Variants in DHRS7 observed in about 807,000 individuals in gnomAD.
The protein encoded by DHRS7 is dehydrogenase/reductase 7.
Under a neutral mutation model 38.9 loss-of-function variants are expected in DHRS7, and 34 were observed. The ratio of observed to expected loss-of-function variants is 0.87; its 90% CI spans 0.66 to 1.16. DHRS7 has a LOEUF of 1.16. DHRS7 is among the 50% of genes most tolerant of loss of function. The pLI is 0.00. For missense variants in DHRS7, 421 were observed against 407.0 expected, an observed-to-expected ratio of 1.03 and a Z score of -0.30; for synonymous variants, 158 against 153.1, an observed-to-expected ratio of 1.03 and a Z score of -0.24.
At chr14:60,157,309 T>C (rs1896678789) in intron 1 of DHRS7, among the ~76,000 whole-genome samples, 1 of 152,184 alleles carries the variant, frequency 6.6e-6, no homozygotes, top group African/African-American at 2.4e-5. Context: ...CTTCACAGGA[T>C]TGTTGAGAAA....
chr14:60,159,736 C>G (rs926266564), intron 1 of DHRS7, among the ~76,000 whole-genome samples: 1 of 152,132 alleles, frequency 6.6e-6, no homozygotes, highest in African/African-American at 2.4e-5. Context: ...TTCTTGGGCC[C>G]CTTCTCCACT....
chr14:60,163,922 T>C (rs1217146984), intron 1 of DHRS7, among the ~76,000 whole-genome samples: 1 of 152,136 alleles, frequency 6.6e-6, no homozygotes, highest in Non-Finnish European at 1.5e-5. Flanking sequence ...GGTGGAACAA[T>C]CGATCAAGAG....
At chr14:60,158,219 T>G in intron 1 of DHRS7, among the ~76,000 whole-genome samples, 2 of 116,108 alleles carry the variant, frequency 1.7e-5, no homozygotes, top group African/African-American at 3.6e-5. Flanking sequence ...GGTGACAGAG[T>G]GAGACTCTGT....
chr14:60,149,631 A>G, intron 5 of DHRS7, 63 bp from the exon 6 acceptor site: 2 of 1,376,000 alleles, frequency 1.5e-6, no homozygotes, highest in Non-Finnish European at 2.0e-6. Context: ...TAAGCTAGAA[A>G]GGACTCAAAT....
In DHRS7 at chr14:60,150,195, A is replaced by G. The variant is rs424062; in HGVS notation, c.634-8T>C. On this transcript the variant is annotated splice_region_variant and splice_polypyrimidine_tract_variant and intron_variant, in intron 4 of 6. Transcript: ENST00000557185. ...AAGGCCATTAAAAAAACCCTAACAG[A>G]CAAAAAAAAAAAAAAAGGAAAAAGG... 0.026 allele frequency: 32,478 copies of G among 1,246,196 alleles called. 891 individuals carry two copies. Among genetic ancestry groups the G allele is most frequent in the South Asian group, 0.12 (5,339 of 43,156 alleles). 77.2% of individuals were successfully genotyped at this position (1,246,196 alleles called of 1,614,324 possible). A position where few individuals can be genotyped will look rare whatever the true frequency, so the allele number is the denominator to read the frequency against.
intron 4 of DHRS7, chr14:60,152,609 T>A: frequency 7.8e-6 from 2 of 257,030 alleles, no homozygotes; most frequent in South Asian, 6.0e-5. Flanking sequence ...TTAGTAGGAA[T>A]AAGGATAAGG....
At chr14:60,156,219 GAAAAA>G (rs370446768) in intron 1 of DHRS7, 67 bp from the exon 2 acceptor site, 1 of 1,110,134 alleles carries the variant, frequency 9.0e-7, no homozygotes, top group Non-Finnish European at 1.1e-6. Flanking sequence ...TCCAAGATTA[GAAAAA>G]AAAAAGAAAG....
Position 60,146,429 on chromosome 14 carries a change from T to C in DHRS7, c.973-1416A>G, listed in dbSNP as rs1896408229. The stretch of plus-strand genomic sequence containing the variant: ...AATATATTCTTTCTCTGCCCTATTA[T>C]TTAAATTGAGAATGTGAACCAGTAC... On this transcript the variant is annotated intron_variant, in intron 6 of 6. Transcript: ENST00000557185. This position sits in a 1 kb window ranked among gnomAD's most constrained non-coding sequence, Gnocchi z 4.9. 6.6e-6 allele frequency: 1 copy of C among 152,122 alleles called. No homozygotes were observed. Among genetic ancestry groups the C allele is most frequent in the Non-Finnish European group, 1.5e-5 (1 of 68,004 alleles). The allele number at this position is 152,122 out of a possible 1,614,324, so 9.4% of individuals were successfully genotyped here. A position where few individuals can be genotyped will look rare whatever the true frequency, so the allele number is the denominator to read the frequency against.
chr14:60,152,878 C>T lies in DHRS7; in HGVS notation c.633+61G>A, dbSNP rs1896573709. On this transcript the variant is annotated intron_variant, in intron 4 of 6. Transcript: ENST00000557185. ...TTCCAAGGACCTCACACAGTGATGG[C>T]CATATCCCCCATATACACATTTAAG... 5 of 1,584,968 alleles carry T rather than the reference C, an allele frequency of 3.2e-6. No homozygotes were observed. The African/African-American group carries it at 4.0e-5, about 13-fold the overall frequency.
rs1277242925 is a variant in DHRS7, at chr14:60,145,038, G to A, written c.973-25C>T. The A allele has an allele frequency of 3.2e-6, 5 of 1,542,270 alleles. No homozygotes were observed. The African/African-American group carries it at 7.1e-5, about 22-fold the overall frequency. ...CCTGTAAAAGAGGGACAGAAACATG[G>A]ATCAGTACCTACTCCTATTTACTCC... On this transcript the variant is annotated intron_variant, in intron 6 of 6. Transcript: ENST00000557185. The surrounding 1 kb of genome is among the most constrained non-coding windows in gnomAD (Gnocchi z 4.0).
In DHRS7 at chr14:60,156,160, A is replaced by G; in HGVS notation, c.134-8T>C. 1 of 1,553,990 alleles carries G rather than the reference A, an allele frequency of 6.4e-7. No homozygotes were observed. Among genetic ancestry groups the G allele is most frequent in the Non-Finnish European group, 8.7e-7 (1 of 1,153,678 alleles). On this transcript the variant is annotated splice_region_variant and splice_polypyrimidine_tract_variant and intron_variant, in intron 1 of 6. Transcript: ENST00000557185. ...TATCAGTCAGCTCCCATTCTATGGAAGGAATGTAAATGGAAGGAAGAAAAT... is the reference window on the plus strand; with the variant it reads ...TATCAGTCAGCTCCCATTCTATGGAGGGAATGTAAATGGAAGGAAGAAAAT...
chr14:60,168,140 C>A (rs775930252), upstream of DHRS7, among the ~76,000 whole-genome samples: 1 of 152,180 alleles, frequency 6.6e-6, no homozygotes, highest in Non-Finnish European at 1.5e-5. Context: ...ACTTTCTTAC[C>A]TTTAGTAATC....
chr14:60,168,401 CAT>C (rs1324839066), upstream of DHRS7, among the ~76,000 whole-genome samples: 1 of 152,180 alleles, frequency 6.6e-6, no homozygotes, highest in Non-Finnish European at 1.5e-5. Context: ...CTCATGCACA[CAT>C]GAGTACATGC....
intron 4 of DHRS7, among the ~76,000 whole-genome samples, chr14:60,151,708 A>T (rs770864346): frequency 6.6e-6 from 1 of 152,216 alleles, no homozygotes; most frequent in Non-Finnish European, 1.5e-5. Flanking sequence ...TTCAATGATA[A>T]ACAAGTTAAT....
At chr14:60,166,340 CA>C, upstream of DHRS7, 1 of 919,910 alleles carries the variant, frequency 1.1e-6, no homozygotes, top group Non-Finnish European at 1.3e-6. Flanking sequence ...GACCTGTGGC[CA>C]AATGGAGAAA....
upstream of DHRS7, chr14:60,169,876 T>G (rs773354007): frequency 6.6e-6 from 1 of 152,270 alleles, no homozygotes; most frequent in Non-Finnish European, 1.5e-5. Context: ...AGATGGGGCA[T>G]GAGAGCAGTG....
Position 60,153,910 on chromosome 14 carries a change from T to G in DHRS7, c.393+49A>C. On this transcript the variant is annotated intron_variant, in intron 3 of 6. Transcript: ENST00000557185. The surrounding 1 kb of genome is among the most constrained non-coding windows in gnomAD (Gnocchi z 4.4). ...GACAGCACCACGGATGGGAATCTCT[T>G]CTGCAGTTACTTCAAAGCAAGACTA... 6.6e-7 allele frequency: 1 copy of G among 1,524,700 alleles called. No individual in the cohort carries two copies. Among genetic ancestry groups the G allele is most frequent in the Non-Finnish European group, 9.1e-7 (1 of 1,099,406 alleles). The allele number at this position is 1,524,700 out of a possible 1,614,324, so 94.4% of individuals were successfully genotyped here.
Position 60,147,297 on chromosome 14 carries a change from C to G in DHRS7, c.972+2056G>C, listed in dbSNP as rs1312316245. On this transcript the variant is annotated intron_variant, in intron 6 of 6. Coordinates refer to ENST00000557185, the MANE Select transcript of DHRS7 (RefSeq NM_016029.4). Reference sequence around the variant, plus strand: ...AAATAACTTATGTTATTATAATTTACAGATTCTAAGGATCTAATATACCGC... The same window carrying G: ...AAATAACTTATGTTATTATAATTTAGAGATTCTAAGGATCTAATATACCGC... 5.9e-5 allele frequency: 9 copies of G among 152,226 alleles called. No individual in the cohort carries two copies. In the East Asian group the frequency reaches 1.7e-3, roughly 29 times the overall value. 9.4% of individuals were successfully genotyped at this position (152,226 alleles called of 1,614,324 possible).
intron 6 of DHRS7, 37 bp downstream of exon 6, chr14:60,149,316 G>A (rs755751780): frequency 3.2e-6 from 5 of 1,583,196 alleles, no homozygotes; most frequent in Non-Finnish European, 3.5e-6. Flanking sequence ...CTGCAAGATT[G>A]GTACATACTA....
Sources: gnomAD v4.1 joint callset for allele counts (sites outside exome capture counted in the v4.1 genomes callset) on GRCh38, gnomAD v4.1.1 for gene constraint, Gnocchi (gnomAD v3.1) non-coding constraint, MANE v1.5 for transcripts, NCBI Gene and HGNC (gene_info 2026-07-23, HGNC 2026-07-21) for gene names.